The following CCDC14 variants were observed in gnomAD, a reference collection of about 807,000 sequenced individuals.
CCDC14 encodes the protein coiled-coil domain-containing protein 14.
CCDC14 carries 71 observed loss-of-function variants against 81.4 expected under a neutral mutation model. The observed-to-expected ratio is 0.87, with a 90% confidence interval of 0.72 to 1.06. CCDC14 has a LOEUF of 1.06. Among genes scored for constraint, CCDC14 ranks in the 50% least tolerant of loss-of-function variants. The probability of loss-of-function intolerance (pLI) is 0.00; values close to 1 mark genes in which losing one functional copy is unlikely to be tolerated. For synonymous variants in CCDC14, 332 were observed against 364.8 expected (o/e 0.91, Z 1.03); for missense variants, 1,046 against 1,047.3 (o/e 1.00, Z 0.02).
At position 123,905,377 on chromosome 3, in the gene CCDC14, G is replaced by A. The variant is rs72962731; in HGVS notation, c.668-7764C>T. On this transcript the variant is annotated intron_variant, in intron 5 of 5. Transcript: ENST00000479903. ...GAGTCATTGCTCACCTCTCACTTCT[G>A]GGGGGCAGAAGAGCAGTACTTAGGC... 5.5e-3 allele frequency among the ~76,000 whole-genome samples: 838 copies of A among 152,208 alleles called. 11 individuals are homozygous for A. The highest frequency in any genetic ancestry group is 0.019 in the African/African-American group (802 of 41,520).
chr3:123,903,148 C>T (rs1920216), intron 5 of CCDC14, among the ~76,000 whole-genome samples: 3,449 of 152,168 alleles, frequency 0.023, 117 homozygotes, highest in African/African-American at 0.077. Context: ...CAGGAACTTG[C>T]TTTAAAACAA....
chr3:123,951,725 G>T (rs190246713), intron 5 of CCDC14, among the ~76,000 whole-genome samples: 2 of 152,148 alleles, frequency 1.3e-5, no homozygotes, highest in African/African-American at 2.4e-5. Flanking sequence ...TCAAGGCGTG[G>T]TTTTCACAGT....
Position 123,914,655 on chromosome 3 carries a change from A to C in CCDC14, c.*124T>G. On this transcript the variant is annotated 3_prime_UTR_variant, in exon 13 of 13. Coordinates refer to ENST00000409697, the MANE Select transcript of CCDC14 (RefSeq NM_001366335.1). ...AATATATCTCAACAATACATTTATT[A>C]CTTGTACAATATATTACTTCACACA... 7.2e-7 allele frequency: 1 copy of C among 1,396,768 alleles called. No homozygotes were observed. The highest frequency in any genetic ancestry group is 9.3e-7 in the Non-Finnish European group (1 of 1,076,736). The allele number at this position is 1,396,768 out of a possible 1,614,324, so 86.5% of individuals were successfully genotyped here.
chr3:123,939,311 C>G (rs1041031714), intron 9 of CCDC14, among the ~76,000 whole-genome samples: 28 of 151,772 alleles, frequency 1.8e-4, no homozygotes, highest in African/African-American at 6.3e-4. Context: ...TTTTCTATTT[C>G]TTTTGAGTGC....
At chr3:123,941,421 T>A (rs974599005) in intron 9 of CCDC14, among the ~76,000 whole-genome samples, 1 of 151,206 alleles carries the variant, frequency 6.6e-6, no homozygotes, top group African/African-American at 2.4e-5. Context: ...TTTCCAAATA[T>A]CTAAACAGGA....
chr3:123,897,601 A>T, exon 6 of CCDC14: 1 of 1,194,690 alleles, frequency 8.4e-7, no homozygotes, highest in Non-Finnish European at 1.1e-6. Context: ...TTAAGTCCAC[A>T]GTTTTAAAAA....
chr3:123,908,773 T>C (rs1389852690), downstream of CCDC14, among the ~76,000 whole-genome samples: 1 of 152,094 alleles, frequency 6.6e-6, no homozygotes, highest in Non-Finnish European at 1.5e-5. Flanking sequence ...GGACTGAGTC[T>C]CTAGTGAAAC....
chr3:123,920,432 A>G (rs1475946976), intron 12 of CCDC14, among the ~76,000 whole-genome samples: 1 of 152,200 alleles, frequency 6.6e-6, no homozygotes, highest in Non-Finnish European at 1.5e-5. Flanking sequence ...CCCAAAGAGA[A>G]GTTCACCAAG....
At chr3:123,926,043 T>C (rs538977826) in intron 12 of CCDC14, among the ~76,000 whole-genome samples, 1 of 152,336 alleles carries the variant, frequency 6.6e-6, no homozygotes, top group South Asian at 2.1e-4. Context: ...TCAGACTGCA[T>C]ACCGAAATTT....
chr3:123,912,102 A>G (rs2034462335), downstream of CCDC14, among the ~76,000 whole-genome samples: 1 of 152,172 alleles, frequency 6.6e-6, no homozygotes, highest in South Asian at 2.1e-4. Flanking sequence ...AAAGGGTTGT[A>G]TATTACCTCC....
chr3:123,916,240 C>T (rs2034679759), intron 12 of CCDC14, among the ~76,000 whole-genome samples: 1 of 152,054 alleles, frequency 6.6e-6, no homozygotes, highest in South Asian at 2.1e-4. Flanking sequence ...CTCAAGTGAT[C>T]TGCCCGCCTC....
chr3:123,920,144 A>G (rs921463310), intron 12 of CCDC14, among the ~76,000 whole-genome samples: 7 of 152,194 alleles, frequency 4.6e-5, no homozygotes, highest in African/African-American at 1.7e-4. Flanking sequence ...AAATACTTCA[A>G]TAGTATACTT....
At chr3:123,959,662 G>T (rs947380457) in intron 1 of CCDC14, among the ~76,000 whole-genome samples, 3 of 151,956 alleles carry the variant, frequency 2.0e-5, no homozygotes, top group African/African-American at 7.3e-5. Context: ...TATTACCCCT[G>T]CTCAGCCCTG....
At chr3:123,906,164 C>T (rs1482012862) in intron 5 of CCDC14, among the ~76,000 whole-genome samples, 1 of 151,846 alleles carries the variant, frequency 6.6e-6, no homozygotes, top group Non-Finnish European at 1.5e-5. Flanking sequence ...CCCATCTCTA[C>T]TAAAAACACA....
Position 123,931,307 on chromosome 3 carries a change from C to T in CCDC14, c.1645+1G>A. The T allele has an allele frequency of 6.5e-7, 1 of 1,546,414 alleles. No individual in the cohort carries two copies. The highest frequency in any genetic ancestry group is 8.8e-7 in the Non-Finnish European group (1 of 1,139,776). On this transcript the variant is annotated splice_donor_variant, in intron 11 of 12. Transcript: ENST00000409697. LOFTEE classifies it high-confidence loss of function. Reference sequence around the variant, plus strand: ...ACCATAACTACTGTCTAAATACGTACCAATTTTTATTCTTGTTATCTCAAT... The same window carrying T: ...ACCATAACTACTGTCTAAATACGTATCAATTTTTATTCTTGTTATCTCAAT...
chr3:123,930,416 A>G (rs909034144), intron 12 of CCDC14, among the ~76,000 whole-genome samples: 3 of 152,242 alleles, frequency 2.0e-5, no homozygotes, highest in Non-Finnish European at 4.4e-5. Flanking sequence ...TAGGCCTCAG[A>G]TAACTGACTT....
At chr3:123,909,704 ATG>A (rs1359853781), downstream of CCDC14, among the ~76,000 whole-genome samples, 1 of 152,204 alleles carries the variant, frequency 6.6e-6, no homozygotes, top group Non-Finnish European at 1.5e-5. Context: ...ACATTTTCAC[ATG>A]TGATTTTATT....
chr3:123,909,267 C>T (rs943669411), downstream of CCDC14, among the ~76,000 whole-genome samples: 3 of 152,084 alleles, frequency 2.0e-5, no homozygotes, highest in African/African-American at 7.2e-5. Flanking sequence ...TTTGAACAAA[C>T]GTGTAAGTCT....
intron 1 of CCDC14, chr3:123,957,245 C>T (rs78933597): frequency 0.012 from 1,753 of 151,950 alleles, 17 homozygotes; most frequent in African/African-American, 0.022. Flanking sequence ...TTATGTAAAA[C>T]GTCAAGCAAA....
Sources: gnomAD v4.1 joint callset for allele counts (sites outside exome capture counted in the v4.1 genomes callset) on GRCh38, gnomAD v4.1.1 for gene constraint, MANE v1.5 for transcripts, NCBI Gene and HGNC (gene_info 2026-07-23, HGNC 2026-07-21) for gene names.